LEPR: variants seen among roughly 807,000 people sequenced by gnomAD.
LEPR encodes the protein OB receptor.
A neutral mutation model predicts 114.7 loss-of-function variants in LEPR; 56 were observed. The observed-to-expected ratio is 0.49, with a 90% CI of 0.39 to 0.61. The LOEUF is 0.61. LEPR is among the 20% of genes least tolerant of loss of function. The probability of loss-of-function intolerance (pLI) is 0.00; values close to 1 mark genes in which losing one functional copy is unlikely to be tolerated. For synonymous variants in LEPR, 443 were observed against 461.4 expected, an observed-to-expected ratio of 0.96 and a Z score of 0.51; for missense variants, 1,202 against 1,352.9, an observed-to-expected ratio of 0.89 and a Z score of 1.75.
At chr1:65,512,030 A>G (rs983416982) in intron 2 of LEPR, among the ~76,000 whole-genome samples, 6 of 152,212 alleles carry the variant, frequency 3.9e-5, no homozygotes, top group African/African-American at 7.2e-5. Flanking sequence ...CAATCATGGC[A>G]GAAGGCAAAC....
chr1:65,505,368 C>G (rs1365054572), intron 2 of LEPR, among the ~76,000 whole-genome samples: 2 of 152,150 alleles, frequency 1.3e-5, no homozygotes, highest in African/African-American at 4.8e-5. Flanking sequence ...GACATGCATA[C>G]TCTTTCCTCT....
At chr1:65,503,900 A>G (rs1006059451) in intron 2 of LEPR, among the ~76,000 whole-genome samples, 2 of 151,948 alleles carry the variant, frequency 1.3e-5, no homozygotes, top group Non-Finnish European at 1.5e-5. Flanking sequence ...CTTTGTTTCT[A>G]ATACTATTTG....
At chr1:65,473,685 A>T (rs1428803577) in intron 2 of LEPR, among the ~76,000 whole-genome samples, 1 of 152,172 alleles carries the variant, frequency 6.6e-6, no homozygotes, top group Non-Finnish European at 1.5e-5. Context: ...CAATGTGGGG[A>T]TGATGATGAT....
chr1:65,571,929 G>A (rs1654205288), intron 4 of LEPR, among the ~76,000 whole-genome samples: 1 of 132,908 alleles, frequency 7.5e-6, no homozygotes, highest in South Asian at 2.3e-4. Context: ...ACATGATCAT[G>A]CCACTGCACT....
At chr1:65,481,270 C>T (rs778176670) in intron 2 of LEPR, among the ~76,000 whole-genome samples, 85 of 151,998 alleles carry the variant, frequency 5.6e-4, no homozygotes, top group Non-Finnish European at 1.1e-3. Flanking sequence ...AGTCACAATT[C>T]GAGGAATTGA....
In LEPR at chr1:65,534,553, T is replaced by TTA. The variant is rs1193212610; in HGVS notation, c.-20-30993_-20-30992insTA. On this transcript the variant is annotated intron_variant, in intron 2 of 19. Coordinates refer to ENST00000349533, the MANE Select transcript of LEPR (RefSeq NM_002303.6). The stretch of plus-strand genomic sequence containing the variant: ...CATAACAGAGTGCAAACAATAAACT[T>TTA]AATAGAGTAAATTATACCATATACT... Among the ~76,000 whole-genome samples the TTA allele has an allele frequency of 7.2e-5, 11 of 152,176 alleles. No homozygotes were observed. The South Asian group carries it at 2.3e-3, about 32-fold the overall frequency.
chr1:65,555,157 A>G (rs1751486), intron 2 of LEPR, among the ~76,000 whole-genome samples: 111,071 of 152,046 alleles, frequency 0.73, 41,733 homozygotes, highest in Middle Eastern at 0.88. Context: ...GTTCCTATTC[A>G]GCCATCTTGC....
chr1:65,495,723 A>T (rs764025326), intron 2 of LEPR, among the ~76,000 whole-genome samples: 9 of 152,220 alleles, frequency 5.9e-5, no homozygotes, highest in Non-Finnish European at 1.2e-4. Flanking sequence ...TTCAACCATA[A>T]AAAAGAAAGA....
At chr1:65,455,522 T>A (rs944822830) in intron 2 of LEPR, among the ~76,000 whole-genome samples, 1 of 152,198 alleles carries the variant, frequency 6.6e-6, no homozygotes, top group Non-Finnish European at 1.5e-5. Context: ...CAGCTGCAGG[T>A]CTGTTGGAGT....
intron 14 of LEPR, among the ~76,000 whole-genome samples, chr1:65,612,016 A>G (rs1657201624): frequency 6.6e-6 from 1 of 152,090 alleles, no homozygotes; most frequent in Non-Finnish European, 1.5e-5. Context: ...TTATTAGTCA[A>G]TTTGCCTTTC....
At chr1:65,518,976 C>T (rs796228166) in intron 2 of LEPR, among the ~76,000 whole-genome samples, 44 of 92,872 alleles carry the variant, frequency 4.7e-4, no homozygotes, top group African/African-American at 1.4e-3. Context: ...TTCTTTTTCT[C>T]TCTCTCTTTC....
intron 14 of LEPR, among the ~76,000 whole-genome samples, chr1:65,614,568 G>T (rs904437286): frequency 1.3e-5 from 2 of 152,120 alleles, no homozygotes; most frequent in Non-Finnish European, 2.9e-5. Flanking sequence ...AACAATTATG[G>T]TACTGCTCTA....
chr1:65,433,124 T>A, intron 2 of LEPR: 1 of 985,398 alleles, frequency 1.0e-6, no homozygotes, highest in Non-Finnish European at 1.2e-6. Context: ...CTCTTTTACA[T>A]TTCCTTTATG....
chr1:65,449,778 T>TA (rs1646758693), intron 2 of LEPR, among the ~76,000 whole-genome samples: 1 of 152,060 alleles, frequency 6.6e-6, no homozygotes, highest in South Asian at 2.1e-4. Context: ...TCATTTTTAT[T>TA]ATTTCTTATT....
chr1:65,623,093 A>G, intron 19 of LEPR, 112 bp downstream of exon 19: 3 of 997,978 alleles, frequency 3.0e-6, no homozygotes, highest in Non-Finnish European at 4.5e-6. Context: ...ATTTTATTCA[A>G]TTCATCTTAA....
intron 5 of LEPR, among the ~76,000 whole-genome samples, chr1:65,585,019 C>G (rs1397101920): frequency 2.6e-5 from 4 of 151,988 alleles, no homozygotes; most frequent in Non-Finnish European, 4.4e-5. Flanking sequence ...TGCATTTATT[C>G]AGAACATAGA....
At chr1:65,600,258 G>T (rs909531548) in intron 8 of LEPR, among the ~76,000 whole-genome samples, 1 of 152,086 alleles carries the variant, frequency 6.6e-6, no homozygotes, top group Non-Finnish European at 1.5e-5. Flanking sequence ...AGTGAAGCTT[G>T]AGTGCCACCT....
At chr1:65,524,835 C>T (rs955681267) in intron 2 of LEPR, among the ~76,000 whole-genome samples, 1 of 152,166 alleles carries the variant, frequency 6.6e-6, no homozygotes, top group Non-Finnish European at 1.5e-5. Flanking sequence ...ATTCAAGGAA[C>T]TCTATAACTG....
intron 2 of LEPR, among the ~76,000 whole-genome samples, chr1:65,552,780 C>A (rs982367752): frequency 6.6e-6 from 1 of 152,094 alleles, no homozygotes; most frequent in Non-Finnish European, 1.5e-5. Context: ...GGTTGTTTTG[C>A]CCATTAGTTG....
Sources: gnomAD v4.1 joint callset for allele counts (sites outside exome capture counted in the v4.1 genomes callset) on GRCh38, gnomAD v4.1.1 for gene constraint, MANE v1.5 for transcripts, NCBI Gene and HGNC (gene_info 2026-07-23, HGNC 2026-07-21) for gene names.